Variants in TAFA5 observed in about 807,000 individuals in gnomAD.
TAFA5 encodes the protein chemokine-like protein TAFA-5.
In TAFA5, 6 loss-of-function variants were observed where a neutral mutation model predicts 15.3. The observed-to-expected ratio is 0.39, with a 90% CI of 0.21 to 0.77. The LOEUF is 0.77. Among genes scored for constraint, TAFA5 ranks in the 30% least tolerant of loss-of-function variants. The pLI, the probability that TAFA5 is intolerant of heterozygous loss-of-function variation, is 0.41. For synonymous variants in TAFA5, 103 were observed against 80.7 expected (o/e 1.28, Z -1.48); for missense variants, 161 against 193.1 (o/e 0.83, Z 0.98).
intron 1 of TAFA5, among the ~76,000 whole-genome samples, chr22:48,623,285 G>A (rs1015759795): frequency 6.6e-5 from 9 of 136,770 alleles, no homozygotes. Flanking sequence ...GGGACGTGTC[G>A]CGTGGCCCTG....
chr22:48,633,847 A>G (rs1165000890), intron 1 of TAFA5, among the ~76,000 whole-genome samples: 1 of 152,136 alleles, frequency 6.6e-6, no homozygotes, highest in East Asian at 1.9e-4. Flanking sequence ...GAGAAATTGA[A>G]TGTTCATTTA....
intron 1 of TAFA5, among the ~76,000 whole-genome samples, chr22:48,582,946 A>T (rs1924135870): frequency 7.3e-6 from 1 of 137,006 alleles, no homozygotes; most frequent in Admixed American, 7.6e-5. Context: ...AATACACCAC[A>T]TGCCACACAC....
At chr22:48,700,063 C>A (rs947230988) in intron 2 of TAFA5, among the ~76,000 whole-genome samples, 1 of 152,180 alleles carries the variant, frequency 6.6e-6, no homozygotes, top group African/African-American at 2.4e-5. Context: ...ACACACACCC[C>A]ACCTCACACA....
chr22:48,715,344 A>G (rs917632751), intron 3 of TAFA5, among the ~76,000 whole-genome samples: 1 of 152,260 alleles, frequency 6.6e-6, no homozygotes, highest in Non-Finnish European at 1.5e-5. Flanking sequence ...AGGAACGTAG[A>G]GGCCGCAAGG....
At chr22:48,725,263 T>A (rs902490517) in intron 3 of TAFA5, among the ~76,000 whole-genome samples, 1 of 152,124 alleles carries the variant, frequency 6.6e-6, no homozygotes, top group East Asian at 1.9e-4. Context: ...TGGCTCATTC[T>A]AGACCAGGAT....
At chr22:48,655,084 A>T (rs1035252266) in intron 2 of TAFA5, among the ~76,000 whole-genome samples, 1 of 152,162 alleles carries the variant, frequency 6.6e-6, no homozygotes, top group East Asian at 1.9e-4. Flanking sequence ...GGCCACACCC[A>T]TCTGTCATTG....
chr22:48,743,625 C>G (rs1336697099), intron 3 of TAFA5, among the ~76,000 whole-genome samples: 2 of 152,180 alleles, frequency 1.3e-5, no homozygotes, highest in African/African-American at 4.8e-5. Flanking sequence ...CCAGGTGCGT[C>G]CTCATTCCGG....
chr22:48,510,719 G>T (rs569705400), intron 1 of TAFA5, among the ~76,000 whole-genome samples: 11 of 152,324 alleles, frequency 7.2e-5, no homozygotes, highest in African/African-American at 2.2e-4. Context: ...CCTCCCCCAT[G>T]CTCCCTGTGC....
At chr22:48,676,425 G>A (rs745644266) in intron 2 of TAFA5, among the ~76,000 whole-genome samples, 7 of 152,194 alleles carry the variant, frequency 4.6e-5, no homozygotes, top group East Asian at 1.9e-4. Flanking sequence ...GGAGGGAGGC[G>A]GGCCTCATCC....
intron 2 of TAFA5, among the ~76,000 whole-genome samples, chr22:48,648,886 C>T (rs769367750): frequency 3.1e-4 from 47 of 152,254 alleles, no homozygotes; most frequent in Non-Finnish European, 5.4e-4. Context: ...TCTAATAGGC[C>T]GAGCCCTTGA....
chr22:48,736,525 A>C lies in TAFA5; in HGVS notation c.391-13314A>C, dbSNP rs1050875470. 1.3e-5 allele frequency among the ~76,000 whole-genome samples: 2 copies of C among 152,080 alleles called. 1 individual carries two copies. The highest frequency in any genetic ancestry group is 4.8e-5 in the African/African-American group (2 of 41,384). On this transcript the variant is annotated intron_variant, in intron 3 of 3. Coordinates refer to ENST00000402357, the MANE Select transcript of TAFA5 (RefSeq NM_001082967.3). ...AGGAATGAGAACATGTCCACACACA[A>C]ACCTGTACACGCCTGTTCTTAGCAG...
At chr22:48,583,348 C>T (rs1402298016) in intron 1 of TAFA5, among the ~76,000 whole-genome samples, 1 of 143,628 alleles carries the variant, frequency 7.0e-6, no homozygotes, top group Non-Finnish European at 1.5e-5. Context: ...CAGTGCACAC[C>T]AAACACAAAA....
At chr22:48,638,348 C>G (rs1926529533) in intron 1 of TAFA5, among the ~76,000 whole-genome samples, 2 of 34,522 alleles carry the variant, frequency 5.8e-5, no homozygotes, top group African/African-American at 1.6e-4. Flanking sequence ...CACACACAGG[C>G]AATACCACCC....
At chr22:48,601,257 A>G (rs1375673855) in intron 1 of TAFA5, among the ~76,000 whole-genome samples, 2 of 152,186 alleles carry the variant, frequency 1.3e-5, no homozygotes, top group Non-Finnish European at 1.5e-5. Context: ...CTTATGGAGA[A>G]GGAGGCTTCT....
At chr22:48,724,040 T>C (rs1434028801) in intron 3 of TAFA5, among the ~76,000 whole-genome samples, 1 of 152,240 alleles carries the variant, frequency 6.6e-6, no homozygotes, top group African/African-American at 2.4e-5. Context: ...CTCGGGGTGC[T>C]GGTTGCATTG....
rs1930193801 is a variant in TAFA5 at position 48,742,017 on chromosome 22, A to G, written c.391-7822A>G. The stretch of plus-strand genomic sequence containing the variant: ...TGTTAAGAACCCCATGGTTGGGGGT[A>G]AACACTGTTCCTATCCCGTGTTACA... On this transcript the variant is annotated intron_variant, in intron 3 of 3. Coordinates refer to ENST00000402357, the MANE Select transcript of TAFA5 (RefSeq NM_001082967.3). The surrounding 1 kb of genome is among the most constrained non-coding windows in gnomAD (Gnocchi z 6.2). 6.6e-6 allele frequency among the ~76,000 whole-genome samples: 1 copy of G among 152,238 alleles called. No homozygotes were observed. Among genetic ancestry groups the G allele is most frequent in the African/African-American group, 2.4e-5 (1 of 41,462 alleles).
At chr22:48,529,780 G>T (rs1389860058) in intron 1 of TAFA5, among the ~76,000 whole-genome samples, 1 of 151,986 alleles carries the variant, frequency 6.6e-6, no homozygotes, top group African/African-American at 2.4e-5. Context: ...GTGTGTGGAC[G>T]GGGAGGGTGT....
intron 1 of TAFA5, among the ~76,000 whole-genome samples, chr22:48,611,298 T>C (rs114785205): frequency 4.4e-4 from 67 of 152,358 alleles, no homozygotes; most frequent in African/African-American, 1.6e-3. Context: ...CTCTGCTCCC[T>C]TCCTTCACCT....
At chr22:48,721,487 G>C (rs1929569063) in intron 3 of TAFA5, among the ~76,000 whole-genome samples, 1 of 152,234 alleles carries the variant, frequency 6.6e-6, no homozygotes, top group Non-Finnish European at 1.5e-5. Context: ...TTGGCAGAAG[G>C]TGCTGGCCAA....
Sources: allele counts gnomAD v4.1 joint callset (sites outside exome capture counted in the v4.1 genomes callset), GRCh38; gene constraint gnomAD v4.1.1; non-coding constraint Gnocchi (gnomAD v3.1); transcripts MANE v1.5; gene names NCBI Gene and HGNC (gene_info 2026-07-23, HGNC 2026-07-21).